The following HAPLN1 variants were observed in gnomAD, a reference collection of about 807,000 sequenced individuals.
The protein encoded by HAPLN1 is hyaluronan and proteoglycan link protein 1.
HAPLN1 carries 13 observed loss-of-function variants against 36.5 expected under a neutral mutation model. The ratio of observed to expected loss-of-function variants is 0.36; its 90% CI spans 0.23 to 0.57. The LOEUF (loss-of-function observed/expected upper bound fraction) is 0.57. Among genes scored for constraint, HAPLN1 ranks in the 20% least tolerant of loss-of-function variants. HAPLN1 has a pLI of 0.83. For synonymous variants in HAPLN1, 202 were observed against 169.8 expected (o/e 1.19, Z -1.48); for missense variants, 407 against 439.7 (o/e 0.93, Z 0.66).
At chr5:83,652,337 A>G in intron 3 of HAPLN1, 116 bp downstream of exon 3, 1 of 1,001,322 alleles carries the variant, frequency 1.0e-6, no homozygotes, top group Admixed American at 2.5e-5. Context: ...GATGCCAGGC[A>G]AGGACTTTGG....
chr5:83,706,118 AC>A lies in HAPLN1; in HGVS notation c.-27+14670del, dbSNP rs1387543297. Among the ~76,000 whole-genome samples, 11 of 151,010 alleles carry A rather than the reference AC, an allele frequency of 7.3e-5. 1 individual carries two copies. The highest frequency in any genetic ancestry group is 7.4e-5 in the Non-Finnish European group (5 of 67,748). ...GCCTACCAATCGAAAAAAAAAAAAA[AC>A]AAAAGCCCAGGGCCAAATGAATTCA... On this transcript the variant is annotated intron_variant, in intron 1 of 4. Transcript: ENST00000274341.
intron 3 of HAPLN1, chr5:83,652,132 G>C: frequency 3.0e-6 from 1 of 330,434 alleles, no homozygotes; most frequent in Non-Finnish European, 5.4e-6. Context: ...TACACAGTCT[G>C]AATTTCTCAA....
chr5:83,710,239 C>T (rs1229102469), intron 1 of HAPLN1, among the ~76,000 whole-genome samples: 1 of 152,066 alleles, frequency 6.6e-6, no homozygotes, highest in Non-Finnish European at 1.5e-5. Context: ...GGGCAGAAGC[C>T]ATTGAAATAC....
chr5:83,700,739 A>G (rs1751489910), intron 1 of HAPLN1, among the ~76,000 whole-genome samples: 1 of 150,594 alleles, frequency 6.6e-6, no homozygotes, highest in Non-Finnish European at 1.5e-5. Context: ...GCTATGATCT[A>G]TCAGTTTAAG....
chr5:83,666,979 A>T (rs1407777054), intron 2 of HAPLN1, among the ~76,000 whole-genome samples: 1 of 152,222 alleles, frequency 6.6e-6, no homozygotes, highest in African/African-American at 2.4e-5. Flanking sequence ...CAAAGTTGGT[A>T]AGAAAATATA....
At chr5:83,648,395 CTATATA>C (rs56115447) in intron 3 of HAPLN1, among the ~76,000 whole-genome samples, 914 of 60,580 alleles carry the variant, frequency 0.015, 9 homozygotes, top group Middle Eastern at 0.042. Flanking sequence ...CTATATTTGA[CTATATA>C]TATATATATA....
At chr5:83,661,558 C>T (rs1444993107) in intron 2 of HAPLN1, among the ~76,000 whole-genome samples, 1 of 149,372 alleles carries the variant, frequency 6.7e-6, no homozygotes, top group Admixed American at 6.8e-5. Flanking sequence ...CATTGTCCTG[C>T]CTCAGCCTCC....
chr5:83,686,065 G>C (rs138920142), intron 1 of HAPLN1: 1 of 143,370 alleles, frequency 7.0e-6, no homozygotes, highest in African/African-American at 2.6e-5. Flanking sequence ...CTCTACCCTG[G>C]CACACTGGAG....
Position 83,641,432 on chromosome 5 carries a change from G to GAA in HAPLN1, c.*62_*63dup. 2.4e-5 allele frequency: 31 copies of GAA among 1,291,218 alleles called. No individual in the cohort carries two copies. Among genetic ancestry groups the GAA allele is most frequent in the South Asian group, 8.0e-5 (5 of 62,668 alleles). The allele number at this position is 1,291,218 out of a possible 1,614,324, so 80.0% of individuals were successfully genotyped here. On this transcript the variant is annotated 3_prime_UTR_variant, in exon 5 of 5. Transcript: ENST00000274341. ...TGGTAACTTGCATGAGTTCATATTGGAAAAAAAAAACACCTTTCACATGTT... is the reference window on the plus strand; with the variant it reads ...TGGTAACTTGCATGAGTTCATATTGGAAAAAAAAAAAACACCTTTCACATGTT...
chr5:83,656,890 A>G (rs1750232919), intron 2 of HAPLN1, among the ~76,000 whole-genome samples: 1 of 152,206 alleles, frequency 6.6e-6, no homozygotes, highest in South Asian at 2.1e-4. Flanking sequence ...TACACTTGCT[A>G]TGAAATTTAG....
intron 2 of HAPLN1, among the ~76,000 whole-genome samples, chr5:83,660,370 C>T (rs1473954667): frequency 6.6e-6 from 1 of 152,098 alleles, no homozygotes. Flanking sequence ...TTATCTATGG[C>T]AATGTTTAAA....
intron 1 of HAPLN1, among the ~76,000 whole-genome samples, chr5:83,712,107 G>A (rs1003786776): frequency 6.6e-6 from 1 of 152,164 alleles, no homozygotes; most frequent in Non-Finnish European, 1.5e-5. Context: ...TATTAATCAT[G>A]TAAGGATGAG....
intron 1 of HAPLN1, among the ~76,000 whole-genome samples, chr5:83,702,524 C>A (rs1280337935): frequency 1.3e-5 from 2 of 152,096 alleles, no homozygotes; most frequent in African/African-American, 2.4e-5. Context: ...CACTGATAAT[C>A]CCTCTAGGCT....
At chr5:83,711,425 A>C (rs540055636) in intron 1 of HAPLN1, among the ~76,000 whole-genome samples, 29 of 152,268 alleles carry the variant, frequency 1.9e-4, no homozygotes, top group Admixed American at 1.7e-3. Context: ...GGGCAGTTAG[A>C]TTCATCATGA....
At chr5:83,688,557 G>C (rs1751191325) in intron 1 of HAPLN1, among the ~76,000 whole-genome samples, 1 of 149,900 alleles carries the variant, frequency 6.7e-6, no homozygotes, top group African/African-American at 2.5e-5. Flanking sequence ...CACATGAAAA[G>C]CAAATGGATG....
chr5:83,670,180 TG>T (rs1750666685), intron 2 of HAPLN1, among the ~76,000 whole-genome samples: 1 of 152,238 alleles, frequency 6.6e-6, no homozygotes, highest in Admixed American at 6.5e-5. Flanking sequence ...CAAAAGTTTT[TG>T]GACCTGATAC....
chr5:83,693,253 A>G (rs962141661), intron 1 of HAPLN1, among the ~76,000 whole-genome samples: 24 of 151,920 alleles, frequency 1.6e-4, no homozygotes, highest in African/African-American at 5.8e-4. Flanking sequence ...CTGTAGTAAA[A>G]TATCACCTGA....
At chr5:83,711,007 G>T (rs1473502404) in intron 1 of HAPLN1, among the ~76,000 whole-genome samples, 2 of 151,998 alleles carry the variant, frequency 1.3e-5, no homozygotes, top group East Asian at 1.9e-4. Flanking sequence ...ATACAAGAGA[G>T]AATAGATCTA....
At chr5:83,643,508 C>A (rs1005436764) in intron 4 of HAPLN1, among the ~76,000 whole-genome samples, 1 of 152,162 alleles carries the variant, frequency 6.6e-6, no homozygotes, top group Non-Finnish European at 1.5e-5. Flanking sequence ...GGGCCCCACA[C>A]GGAGAAGGGC....
Sources: allele counts gnomAD v4.1 joint callset (sites outside exome capture counted in the v4.1 genomes callset), GRCh38; gene constraint gnomAD v4.1.1; transcripts MANE v1.5; gene names NCBI Gene and HGNC (gene_info 2026-07-23, HGNC 2026-07-21).